ZNF804B: variants seen among roughly 807,000 people sequenced by gnomAD.
ZNF804B encodes the protein zinc finger protein 804B.
Under a neutral mutation model 101.4 loss-of-function variants are expected in ZNF804B, and 80 were observed. The observed-to-expected ratio is 0.79, with a 90% confidence interval of 0.66 to 0.95. The LOEUF is 0.95. Among genes scored for constraint, ZNF804B ranks in the 40% least tolerant of loss-of-function variants. The pLI, the probability that ZNF804B is intolerant of heterozygous loss-of-function variation, is 0.00. For missense variants in ZNF804B, 1,673 were observed against 1,561.9 expected, an observed-to-expected ratio of 1.07 and a Z score of -1.20; for synonymous variants, 622 against 558.8, an observed-to-expected ratio of 1.11 and a Z score of -1.59.
chr7:89,223,421 G>A (rs180926240), intron 2 of ZNF804B, among the ~76,000 whole-genome samples: 14 of 151,682 alleles, frequency 9.2e-5, no homozygotes, highest in South Asian at 8.3e-4. Flanking sequence ...TGTTATTATC[G>A]TCTGTCAGCA....
intron 1 of ZNF804B, among the ~76,000 whole-genome samples, chr7:89,104,000 G>C (rs1301320984): frequency 2.0e-5 from 3 of 151,884 alleles, no homozygotes; most frequent in Non-Finnish European, 4.4e-5. Flanking sequence ...TATGGTTTTT[G>C]TTCTCAGCAT....
chr7:88,906,321 G>A, intron 1 of ZNF804B, among the ~76,000 whole-genome samples: 1 of 151,914 alleles, frequency 6.6e-6, no homozygotes, highest in Admixed American at 6.6e-5. Flanking sequence ...TTTTCTTCTA[G>A]TTCCTTTAGG....
chr7:89,247,714 C>T (rs1789472045), intron 2 of ZNF804B, among the ~76,000 whole-genome samples: 2 of 152,048 alleles, frequency 1.3e-5, no homozygotes, highest in African/African-American at 2.4e-5. Context: ...AATGTAGCAA[C>T]ACCAAAGGAT....
At chr7:89,150,389 C>T (rs772566623) in intron 1 of ZNF804B, among the ~76,000 whole-genome samples, 91 of 152,192 alleles carry the variant, frequency 6.0e-4, no homozygotes, top group South Asian at 2.1e-4. Context: ...TATATGCACA[C>T]GCATTATTTC....
chr7:89,078,260 G>T (rs1043124582), intron 1 of ZNF804B, among the ~76,000 whole-genome samples: 1 of 151,888 alleles, frequency 6.6e-6, no homozygotes, highest in Non-Finnish European at 1.5e-5. Flanking sequence ...TGAGCACTGC[G>T]GGAAATCAAG....
chr7:88,897,367 G>A (rs1466052407), intron 1 of ZNF804B, among the ~76,000 whole-genome samples: 1 of 152,126 alleles, frequency 6.6e-6, no homozygotes, highest in Non-Finnish European at 1.5e-5. Context: ...ACCATGGAAG[G>A]GGCTCAAATG....
At chr7:89,145,569 C>T (rs1424362202) in intron 1 of ZNF804B, among the ~76,000 whole-genome samples, 1 of 152,004 alleles carries the variant, frequency 6.6e-6, no homozygotes, top group Non-Finnish European at 1.5e-5. Context: ...TTCTTTACAG[C>T]CATCATATTT....
intron 1 of ZNF804B, among the ~76,000 whole-genome samples, chr7:89,014,745 T>A (rs1788517214): frequency 6.6e-6 from 1 of 152,252 alleles, no homozygotes; most frequent in South Asian, 2.1e-4. Context: ...TTGTATATTC[T>A]AGATGTTAAT....
At chr7:88,956,578 G>A (rs1450574960) in intron 1 of ZNF804B, among the ~76,000 whole-genome samples, 1 of 151,220 alleles carries the variant, frequency 6.6e-6, no homozygotes, top group African/African-American at 2.4e-5. Context: ...TTAGAGAAAT[G>A]TCTGCCATCT....
chr7:88,829,769 A>G (rs1791104827), intron 1 of ZNF804B, among the ~76,000 whole-genome samples: 1 of 152,160 alleles, frequency 6.6e-6, no homozygotes, highest in Admixed American at 6.6e-5. Flanking sequence ...ATTGTTTCAT[A>G]TAAAATCCTC....
At position 89,312,425 on chromosome 7, in the gene ZNF804B, A is replaced by G. The variant is rs377068869; in HGVS notation, c.250-14919A>G. 3.5e-4 allele frequency among the ~76,000 whole-genome samples: 53 copies of G among 152,304 alleles called. 1 individual carries two copies. The East Asian group carries it at 8.1e-3, about 23-fold the overall frequency. ...GAACGAATCCTCCAGGAATTATCAT[A>G]ACCAATTTAACTCAACACTTCCAAG... On this transcript the variant is annotated intron_variant, in intron 2 of 3. Transcript: ENST00000333190.
chr7:89,315,529 ATAAT>A (rs1790711732), intron 2 of ZNF804B, among the ~76,000 whole-genome samples: 1 of 152,160 alleles, frequency 6.6e-6, no homozygotes, highest in African/African-American at 2.4e-5. Flanking sequence ...AGAGAAGATA[ATAAT>A]TAAATATAGC....
intron 1 of ZNF804B, among the ~76,000 whole-genome samples, chr7:88,919,757 T>G (rs567430353): frequency 5.1e-4 from 77 of 152,238 alleles, no homozygotes; most frequent in African/African-American, 1.8e-3. Flanking sequence ...AGTAACAGAT[T>G]TCCCTACTGT....
intron 2 of ZNF804B, among the ~76,000 whole-genome samples, chr7:89,254,368 T>G (rs1050842211): frequency 5.1e-4 from 78 of 151,734 alleles, no homozygotes; most frequent in African/African-American, 1.9e-3. Context: ...ATCAAAAATA[T>G]GAAATGCCTA....
chr7:89,171,397 C>T (rs1791232796), intron 1 of ZNF804B, among the ~76,000 whole-genome samples: 1 of 122,290 alleles, frequency 8.2e-6, no homozygotes, highest in South Asian at 2.7e-4. Flanking sequence ...TCTTCTTCCT[C>T]TTCTTCTTCT....
intron 1 of ZNF804B, among the ~76,000 whole-genome samples, chr7:89,168,000 G>A (rs1791169518): frequency 6.6e-6 from 1 of 151,950 alleles, no homozygotes; most frequent in African/African-American, 2.4e-5. Context: ...ATAGTACATT[G>A]TAGTTGACTT....
At chr7:88,976,912 ATATGC>A (rs1793621954) in intron 1 of ZNF804B, among the ~76,000 whole-genome samples, 1 of 151,446 alleles carries the variant, frequency 6.6e-6, no homozygotes, top group Non-Finnish European at 1.5e-5. Flanking sequence ...TGTTCTTTCT[ATATGC>A]AGGCTTTGAT....
chr7:89,240,417 C>A (rs2115761182), intron 2 of ZNF804B, among the ~76,000 whole-genome samples: 1 of 151,720 alleles, frequency 6.6e-6, no homozygotes, highest in East Asian at 1.9e-4. Context: ...TTTTTTCTCT[C>A]TTTCTCTTTT....
At chr7:88,815,330 A>T (rs1360696102) in intron 1 of ZNF804B, among the ~76,000 whole-genome samples, 5 of 149,658 alleles carry the variant, frequency 3.3e-5, no homozygotes, top group African/African-American at 7.3e-5. Context: ...TAGGCATAGA[A>T]TACAATTTAT....
Sources: allele counts gnomAD v4.1 joint callset (sites outside exome capture counted in the v4.1 genomes callset), GRCh38; gene constraint gnomAD v4.1.1; transcripts MANE v1.5; gene names NCBI Gene and HGNC (gene_info 2026-07-23, HGNC 2026-07-21).